The following BTBD9 variants were observed in gnomAD, a reference collection of about 807,000 sequenced individuals.
BTBD9 encodes the protein BTB/POZ domain-containing protein 9.
In BTBD9, 49 loss-of-function variants were observed where a neutral mutation model predicts 64.3. That is an observed-to-expected ratio of 0.76 (90% CI 0.61 to 0.97). The LOEUF is 0.97. Among genes scored for constraint, BTBD9 ranks in the 50% least tolerant of loss-of-function variants. The pLI is 0.00. For synonymous variants in BTBD9, 260 were observed against 274.7 expected (o/e 0.95, Z 0.53); for missense variants, 598 against 762.1 (o/e 0.78, Z 2.53).
chr6:38,579,866 T>C (rs893762599), intron 5 of BTBD9, among the ~76,000 whole-genome samples: 1 of 152,198 alleles, frequency 6.6e-6, no homozygotes, highest in South Asian at 2.1e-4. Flanking sequence ...TGTGCAGGTT[T>C]CTGTTTTGTG....
chr6:38,588,212 C>T, intron 4 of BTBD9: 2 of 901,530 alleles, frequency 2.2e-6, no homozygotes, highest in South Asian at 1.3e-5. Flanking sequence ...AAGGATATGG[C>T]CAGCAACCAA....
chr6:38,276,991 C>T (rs1198036914), intron 8 of BTBD9, among the ~76,000 whole-genome samples: 1 of 152,178 alleles, frequency 6.6e-6, no homozygotes, highest in East Asian at 1.9e-4. Context: ...GGTTAACAGA[C>T]TCCATGTAAA....
At chr6:38,557,218 C>T (rs188273117) in intron 6 of BTBD9, among the ~76,000 whole-genome samples, 132 of 151,626 alleles carry the variant, frequency 8.7e-4, no homozygotes, top group African/African-American at 2.9e-3. Flanking sequence ...TGGTGGCAGG[C>T]GCCTGCAATC....
chr6:38,473,329 G>A (rs1770729920), intron 6 of BTBD9, among the ~76,000 whole-genome samples: 2 of 152,182 alleles, frequency 1.3e-5, no homozygotes, highest in South Asian at 4.1e-4. Flanking sequence ...ATAGTTTTGG[G>A]TTATGGTTTT....
intron 6 of BTBD9, among the ~76,000 whole-genome samples, chr6:38,455,874 T>C (rs1340280292): frequency 1.3e-5 from 2 of 152,170 alleles, no homozygotes; most frequent in Non-Finnish European, 2.9e-5. Flanking sequence ...ATGGGGTTTC[T>C]TCATGTTGGT....
At chr6:38,349,827 T>C (rs544731065) in intron 6 of BTBD9, among the ~76,000 whole-genome samples, 1 of 152,066 alleles carries the variant, frequency 6.6e-6, no homozygotes, top group Non-Finnish European at 1.5e-5. Flanking sequence ...GACACCACAG[T>C]ATGGGGTCTA....
intron 9 of BTBD9, among the ~76,000 whole-genome samples, chr6:38,237,276 C>T (rs1488219003): frequency 1.3e-5 from 2 of 152,268 alleles, no homozygotes; most frequent in Non-Finnish European, 2.9e-5. Flanking sequence ...TTTCTTTTCT[C>T]CCTAACTCCA....
intron 6 of BTBD9, among the ~76,000 whole-genome samples, chr6:38,446,148 A>T (rs983702326): frequency 2.6e-5 from 4 of 152,198 alleles, no homozygotes; most frequent in African/African-American, 9.7e-5. Flanking sequence ...AGATAACTGC[A>T]GACTTGCCAC....
At chr6:38,375,126 A>G (rs986491258) in intron 6 of BTBD9, among the ~76,000 whole-genome samples, 1 of 152,230 alleles carries the variant, frequency 6.6e-6, no homozygotes, top group Admixed American at 6.5e-5. Context: ...CCAGGACTAG[A>G]TAAGTGCCAG....
chr6:38,440,143 A>G (rs571152515), intron 6 of BTBD9, among the ~76,000 whole-genome samples: 47 of 152,322 alleles, frequency 3.1e-4, no homozygotes, highest in African/African-American at 1.1e-3. Flanking sequence ...GGGAGTGTTC[A>G]GCATAGATAT....
At chr6:38,563,668 C>G (rs1775346085) in intron 6 of BTBD9, among the ~76,000 whole-genome samples, 1 of 152,134 alleles carries the variant, frequency 6.6e-6, no homozygotes, top group Non-Finnish European at 1.5e-5. Context: ...CCACTCCCAG[C>G]ACACTGACAT....
chr6:38,278,719 T>G (rs1394476943), intron 8 of BTBD9, among the ~76,000 whole-genome samples: 1 of 152,222 alleles, frequency 6.6e-6, no homozygotes, highest in African/African-American at 2.4e-5. Context: ...AAAAGAACCA[T>G]TAGCCATTTC....
intron 2 of BTBD9, chr6:38,595,635 C>G (rs2127494932): frequency 4.2e-6 from 1 of 236,646 alleles, no homozygotes; most frequent in African/African-American, 2.3e-5. Flanking sequence ...TGCTAAAATT[C>G]TCAGAGTAGG....
intron 10 of BTBD9, among the ~76,000 whole-genome samples, chr6:38,178,158 T>C (rs901399376): frequency 3.3e-5 from 5 of 152,142 alleles, no homozygotes; most frequent in African/African-American, 1.2e-4. Context: ...TCAAAGGCAA[T>C]ACACAGGCAG....
chr6:38,541,236 A>C (rs1200617204), intron 6 of BTBD9, among the ~76,000 whole-genome samples: 1 of 152,246 alleles, frequency 6.6e-6, no homozygotes, highest in Non-Finnish European at 1.5e-5. Flanking sequence ...ATATTTGAAC[A>C]TGTTATTACT....
rs143776867 is a variant in BTBD9, at chr6:38,255,017, C to T, written c.1562+1392G>A. Among the ~76,000 whole-genome samples the T allele has an allele frequency of 1.5e-3, 232 of 152,298 alleles. 1 individual carries two copies. Among genetic ancestry groups the T allele is most frequent in the African/African-American group, 5.2e-3 (215 of 41,562 alleles). On this transcript the variant is annotated intron_variant, in intron 9 of 10. Transcript: ENST00000481247. ...CAAGAAGTGGAAACAACTCAAATGT[C>T]TATCAACTGAAGAATGGATAAACAA... is the stretch of plus-strand genomic sequence containing the variant.
intron 6 of BTBD9, among the ~76,000 whole-genome samples, chr6:38,477,591 A>G (rs1369332249): frequency 1.3e-5 from 2 of 152,216 alleles, no homozygotes; most frequent in Admixed American, 6.5e-5. Flanking sequence ...TTTATTGCCA[A>G]TTCTCACATT....
rs1773457944 is a variant in BTBD9 at position 38,525,657 on chromosome 6, G to C, written c.1154+51943C>G. The stretch of plus-strand genomic sequence containing the variant: ...ACAGGCTGAGGTGGTCTCAGATGGA[G>C]ATGAGGAACTTACTGGGAAATGGAG... On this transcript the variant is annotated intron_variant, in intron 6 of 10. Coordinates refer to ENST00000481247, the MANE Select transcript of BTBD9 (RefSeq NM_001099272.2). 2.0e-5 allele frequency among the ~76,000 whole-genome samples: 3 copies of C among 152,204 alleles called. No individual in the cohort carries two copies. The South Asian group carries it at 6.2e-4, about 31-fold the overall frequency.
chr6:38,597,070 T>C (rs192543174), intron 2 of BTBD9, among the ~76,000 whole-genome samples: 22 of 152,292 alleles, frequency 1.4e-4, no homozygotes, highest in African/African-American at 4.6e-4. Flanking sequence ...TGGAAGTTCA[T>C]GAAAAACCAT....
Sources: gnomAD v4.1 joint callset for allele counts (sites outside exome capture counted in the v4.1 genomes callset) on GRCh38, gnomAD v4.1.1 for gene constraint, MANE v1.5 for transcripts, NCBI Gene and HGNC (gene_info 2026-07-23, HGNC 2026-07-21) for gene names.